The following GIPC2 variants were observed in gnomAD, a reference collection of about 807,000 sequenced individuals.
The protein encoded by GIPC2 is GIPC PDZ domain containing family member 2.
Under a neutral mutation model 30.6 loss-of-function variants are expected in GIPC2, and 30 were observed. That is an observed-to-expected ratio of 0.98 (90% confidence interval 0.73 to 1.33). The LOEUF (loss-of-function observed/expected upper bound fraction) is 1.33. Among genes scored for constraint, GIPC2 ranks in the 40% most tolerant of loss-of-function variants. GIPC2 has a pLI of 0.00. For synonymous variants in GIPC2, 167 were observed against 150.0 expected, an observed-to-expected ratio of 1.11 and a Z score of -0.83; for missense variants, 414 against 390.3, an observed-to-expected ratio of 1.06 and a Z score of -0.51.
chr1:78,133,936 T>C (rs1662952451), intron 5 of GIPC2, among the ~76,000 whole-genome samples: 1 of 152,188 alleles, frequency 6.6e-6, no homozygotes, highest in Non-Finnish European at 1.5e-5. Context: ...TTTCACATGT[T>C]CCCATCATTT....
chr1:78,130,946 G>A (rs1270735223), intron 5 of GIPC2, among the ~76,000 whole-genome samples: 1 of 152,036 alleles, frequency 6.6e-6, no homozygotes, highest in Non-Finnish European at 1.5e-5. Flanking sequence ...TAATAAAAAT[G>A]GCCACTAGAG....
chr1:78,117,270 C>T (rs1221543338), intron 3 of GIPC2, among the ~76,000 whole-genome samples: 2 of 152,210 alleles, frequency 1.3e-5, no homozygotes, highest in Admixed American at 6.5e-5. Flanking sequence ...GAGAGCTTTG[C>T]ACAGACCTCA....
At chr1:78,073,025 G>A (rs971090174) in intron 1 of GIPC2, among the ~76,000 whole-genome samples, 23 of 151,398 alleles carry the variant, frequency 1.5e-4, no homozygotes, top group Non-Finnish European at 1.0e-4. Context: ...TAGCCAGGAT[G>A]GTCTCGATCT....
chr1:78,092,011 T>G (rs1298454340), intron 2 of GIPC2: 1 of 1,515,436 alleles, frequency 6.6e-7, no homozygotes, highest in Non-Finnish European at 9.1e-7. Flanking sequence ...TGTCCATAAG[T>G]GCTTCATCAG....
At chr1:78,060,253 T>C (rs1338260978) in intron 1 of GIPC2, among the ~76,000 whole-genome samples, 1 of 151,974 alleles carries the variant, frequency 6.6e-6, no homozygotes, top group Non-Finnish European at 1.5e-5. Flanking sequence ...CAAGTGATCC[T>C]CCCACCTCAG....
At chr1:78,045,607 G>GT (rs1173006025), upstream of GIPC2, 1 of 985,414 alleles carries the variant, frequency 1.0e-6, no homozygotes, top group Non-Finnish European at 1.2e-6. Flanking sequence ...CCTGCAGAGC[G>GT]TAAGACGCAG....
At chr1:78,092,192 A>G (rs1662055601) in intron 2 of GIPC2, 1 of 583,916 alleles carries the variant, frequency 1.7e-6, no homozygotes, top group Non-Finnish European at 3.0e-6. Flanking sequence ...AAGGGAATGT[A>G]ATTGAAAGGG....
intron 1 of GIPC2, among the ~76,000 whole-genome samples, chr1:78,055,485 G>A (rs1446522623): frequency 6.6e-6 from 1 of 152,156 alleles, no homozygotes; most frequent in Non-Finnish European, 1.5e-5. Context: ...GCTTTATACT[G>A]TAGAGAACTG....
chr1:78,056,427 G>C (rs929206667), intron 1 of GIPC2, among the ~76,000 whole-genome samples: 1 of 152,138 alleles, frequency 6.6e-6, no homozygotes, highest in African/African-American at 2.4e-5. Context: ...GCAGTGAGCT[G>C]AGATTGCACC....
At chr1:78,100,700 A>G (rs1662227674) in intron 3 of GIPC2, among the ~76,000 whole-genome samples, 1 of 151,972 alleles carries the variant, frequency 6.6e-6, no homozygotes, top group African/African-American at 2.4e-5. Context: ...GAGGTTGAGG[A>G]GGGAGGGTCA....
chr1:78,099,691 G>A (rs953497584), intron 3 of GIPC2, among the ~76,000 whole-genome samples: 15 of 151,934 alleles, frequency 9.9e-5, no homozygotes, highest in Admixed American at 6.6e-5. Context: ...GCCCACCTCG[G>A]CCTCCCAAAG....
At chr1:78,068,316 T>C (rs1661559052) in intron 1 of GIPC2, among the ~76,000 whole-genome samples, 1 of 152,240 alleles carries the variant, frequency 6.6e-6, no homozygotes, top group African/African-American at 2.4e-5. Flanking sequence ...TTGGTCATTA[T>C]GCTCAAGTTG....
intron 3 of GIPC2, among the ~76,000 whole-genome samples, chr1:78,104,426 A>G (rs775829507): frequency 4.6e-5 from 7 of 152,138 alleles, no homozygotes; most frequent in Non-Finnish European, 7.4e-5. Flanking sequence ...TTTAGATGAT[A>G]TTAGAACTGA....
chr1:78,053,361 A>T (rs1173209009), intron 1 of GIPC2, among the ~76,000 whole-genome samples: 1 of 152,150 alleles, frequency 6.6e-6, no homozygotes, highest in African/African-American at 2.4e-5. Flanking sequence ...TATCCAGAAC[A>T]AACCCATGCT....
In GIPC2 at chr1:78,119,293, A is replaced by G. The variant is rs1378025719; in HGVS notation, c.608-100A>G. 4 of 653,478 alleles carry G rather than the reference A, an allele frequency of 6.1e-6. No homozygotes were observed. The Admixed American group carries it at 8.5e-5, about 14-fold the overall frequency. The allele number at this position is 653,478 out of a possible 1,614,324, so 40.5% of individuals were successfully genotyped here. A position where few individuals can be genotyped will look rare whatever the true frequency, so the allele number is the denominator to read the frequency against. On this transcript the variant is annotated intron_variant, in intron 3 of 5. Transcript: ENST00000370759. ...TACGTTTTATCAAATTTCTATAACA[A>G]TTGTATATAGTTTTGTGATAGAAAC...
chr1:78,054,496 G>A (rs79986614), intron 1 of GIPC2, among the ~76,000 whole-genome samples: 3,114 of 152,206 alleles, frequency 0.02, 74 homozygotes, highest in East Asian at 0.12. Context: ...AAGAAGCAAG[G>A]ATCCCTGACA....
At position 78,046,172 on chromosome 1, in the gene GIPC2, C is replaced by G; in HGVS notation, c.78C>G (p.Gly26=). The part of the protein sequence containing the change: ...TAGLVEGEPT[G]AGGGSLSASR... The stretch of plus-strand genomic sequence containing the variant: ...GGCTGGTGGAGGGCGAGCCGACGGG[C>G]GCGGGCGGCGGGAGCCTCTCAGCGT... The change falls in exon 1 of 6, where the codon GGC becomes GGG. Residue 26 remains glycine (G), a synonymous_variant. Transcript: ENST00000370759. 3.8e-6 allele frequency: 6 copies of G among 1,563,052 alleles called. No individual in the cohort carries two copies. In the South Asian group the frequency reaches 7.0e-5, roughly 18 times the overall value.
At position 78,081,958 on chromosome 1, in the gene GIPC2, C is replaced by A. The variant is rs551475755; in HGVS notation, c.426+1098C>A. On this transcript the variant is annotated intron_variant, in intron 2 of 5. Coordinates refer to ENST00000370759, the MANE Select transcript of GIPC2 (RefSeq NM_017655.6). ...CAGATCAGGATAAATTGCATTTCTG[C>A]CACTCAGAAGGCTCATTTGTGCCCC... Among the ~76,000 whole-genome samples, 20 of 152,242 alleles carry A rather than the reference C, an allele frequency of 1.3e-4. No homozygotes were observed. The South Asian group carries it at 2.5e-3, about 19-fold the overall frequency.
intron 1 of GIPC2, among the ~76,000 whole-genome samples, chr1:78,065,943 G>A (rs1661501835): frequency 6.6e-6 from 1 of 152,096 alleles, no homozygotes; most frequent in South Asian, 2.1e-4. Flanking sequence ...AAAAGCCCTG[G>A]AAGACAACCT....
Sources: gnomAD v4.1 joint callset for allele counts (sites outside exome capture counted in the v4.1 genomes callset) on GRCh38, gnomAD v4.1.1 for gene constraint, MANE v1.5 for transcripts, NCBI Gene and HGNC (gene_info 2026-07-23, HGNC 2026-07-21) for gene names.